The following RASGEF1A variants were observed in gnomAD, a reference collection of about 807,000 sequenced individuals.
RASGEF1A encodes RasGEF domain family member 1A.
A neutral mutation model predicts 56.4 loss-of-function variants in RASGEF1A; 18 were observed. The observed-to-expected ratio is 0.32, with a 90% confidence interval of 0.22 to 0.47. RASGEF1A has a LOEUF of 0.47. Among genes scored for constraint, RASGEF1A ranks in the 20% least tolerant of loss-of-function variants. RASGEF1A has a pLI of 1.00. For missense variants in RASGEF1A, 422 were observed against 627.1 expected (o/e 0.67, Z 3.49); for synonymous variants, 245 against 242.6 (o/e 1.01, Z -0.09).
At chr10:43,201,103 G>A (rs1564528779) in intron 4 of RASGEF1A, among the ~76,000 whole-genome samples, 1 of 152,228 alleles carries the variant, frequency 6.6e-6, no homozygotes, top group African/African-American at 2.4e-5. Flanking sequence ...GGGCTGTCCT[G>A]CTGCAGGACG....
intron 1 of RASGEF1A, among the ~76,000 whole-genome samples, chr10:43,219,080 G>A (rs899175098): frequency 3.9e-5 from 6 of 152,180 alleles, no homozygotes; most frequent in African/African-American, 1.4e-4. Flanking sequence ...AGAGGCCCAA[G>A]GATGCAGCAG....
chr10:43,244,933 T>A (rs902460365), intron 1 of RASGEF1A, among the ~76,000 whole-genome samples: 3 of 151,502 alleles, frequency 2.0e-5, no homozygotes, highest in African/African-American at 7.3e-5. Context: ...CAAATTAAAT[T>A]AACAAATAAC....
chr10:43,199,570 G>T, intron 7 of RASGEF1A, 106 bp downstream of exon 7: 1 of 881,180 alleles, frequency 1.1e-6, no homozygotes, highest in Non-Finnish European at 1.8e-6. Flanking sequence ...CAGGGACTTT[G>T]TGCATTCACT....
chr10:43,246,596 G>A (rs1409558729), intron 1 of RASGEF1A, among the ~76,000 whole-genome samples: 1 of 152,164 alleles, frequency 6.6e-6, no homozygotes, highest in Non-Finnish European at 1.5e-5. Flanking sequence ...GAATAAAGGT[G>A]AGAGTCCAGA....
At chr10:43,202,694 G>A (rs995480592) in intron 3 of RASGEF1A, 5 of 350,770 alleles carry the variant, frequency 1.4e-5, no homozygotes, top group Admixed American at 3.2e-5. Flanking sequence ...CTTCGCCCAC[G>A]CCGCACAGCC....
intron 1 of RASGEF1A, among the ~76,000 whole-genome samples, chr10:43,228,075 C>T (rs1840305988): frequency 1.3e-5 from 2 of 152,160 alleles, no homozygotes; most frequent in South Asian, 4.1e-4. Flanking sequence ...CCACCTCCCA[C>T]TGCAGCCCCG....
intron 1 of RASGEF1A, among the ~76,000 whole-genome samples, chr10:43,253,257 G>A (rs1234942606): frequency 2.0e-5 from 3 of 152,220 alleles, no homozygotes; most frequent in Non-Finnish European, 4.4e-5. Context: ...CCCGTGTGTG[G>A]ATTTGAGGTC....
At chr10:43,240,206 T>C (rs957578562) in intron 1 of RASGEF1A, among the ~76,000 whole-genome samples, 1 of 152,244 alleles carries the variant, frequency 6.6e-6, no homozygotes, top group African/African-American at 2.4e-5. Context: ...CAGGCACTTA[T>C]GAAAATTTCT....
At chr10:43,197,884 C>T in intron 10 of RASGEF1A, 120 bp downstream of exon 10, 1 of 831,896 alleles carries the variant, frequency 1.2e-6, no homozygotes, top group East Asian at 2.5e-5. Context: ...TCTTGAAGGC[C>T]CTTGTGAACC....
Position 43,201,954 on chromosome 10 carries a change from GCAGGGGATA to G in RASGEF1A, c.322-18_322-10del. On this transcript the variant is annotated splice_polypyrimidine_tract_variant and intron_variant, in intron 3 of 12. Coordinates refer to ENST00000395810, the MANE Select transcript of RASGEF1A (RefSeq NM_145313.4). Reference sequence around the variant, plus strand: ...AAAGACTTCAGCTTGGCCTGGGGCAGCAGGGGATACAGAGTAAGGCCCCACAGGGCAGAG... The same window carrying G: ...AAAGACTTCAGCTTGGCCTGGGGCAGCAGAGTAAGGCCCCACAGGGCAGAG... 1 of 1,602,004 alleles carries G rather than the reference GCAGGGGATA, an allele frequency of 6.2e-7. No homozygotes were observed. Among genetic ancestry groups the G allele is most frequent in the South Asian group, 1.1e-5 (1 of 89,632 alleles).
chr10:43,258,680 C>T (rs1412311948), intron 1 of RASGEF1A, among the ~76,000 whole-genome samples: 1 of 152,226 alleles, frequency 6.6e-6, no homozygotes, highest in Non-Finnish European at 1.5e-5. Context: ...ATGGATGCCC[C>T]ACAGGCCAGC....
intron 1 of RASGEF1A, among the ~76,000 whole-genome samples, chr10:43,236,779 C>T (rs1434351365): frequency 6.6e-6 from 1 of 152,226 alleles, no homozygotes; most frequent in Non-Finnish European, 1.5e-5. Context: ...CAGGGCTCGC[C>T]CCTCCCTCGG....
At chr10:43,205,871 G>T in intron 2 of RASGEF1A, 48 bp downstream of exon 2, 1 of 1,480,048 alleles carries the variant, frequency 6.8e-7, no homozygotes, top group Non-Finnish European at 9.4e-7. Context: ...ATCTCCTGGA[G>T]CCCAGGTCAC....
intron 1 of RASGEF1A, among the ~76,000 whole-genome samples, chr10:43,235,179 G>C (rs1048984250): frequency 6.6e-6 from 1 of 152,342 alleles, no homozygotes; most frequent in East Asian, 1.9e-4. Flanking sequence ...CGTGAAGGAG[G>C]GGGTGAATGG....
intron 2 of RASGEF1A, 32 bp from the exon 3 acceptor site, chr10:43,203,452 G>A: frequency 6.7e-7 from 1 of 1,497,958 alleles, no homozygotes; most frequent in Non-Finnish European, 9.0e-7. Context: ...AGGGCGGAGG[G>A]AGGGTGAGGC....
At chr10:43,202,042 C>CA in intron 3 of RASGEF1A, 97 bp from the exon 4 acceptor site, 19 of 1,366,654 alleles carry the variant, frequency 1.4e-5, no homozygotes, top group Non-Finnish European at 1.9e-5. Context: ...AGCCACACCC[C>CA]AGGCCCTGTG....
In RASGEF1A at chr10:43,196,416, G is replaced by A. The variant is rs1272616831; in HGVS notation, c.1421+60C>T. 2.1e-5 allele frequency: 33 copies of A among 1,570,986 alleles called. 2 individuals carry two copies. The highest frequency in any genetic ancestry group is 1.0e-4 in the Admixed American group (6 of 59,920). Reference sequence around the variant, plus strand: ...CTCCCTTTCCAGGAGGGTAACCCTCGTGCCCACCCTGAGTCCTCCCTCTTC... The same window carrying A: ...CTCCCTTTCCAGGAGGGTAACCCTCATGCCCACCCTGAGTCCTCCCTCTTC... On this transcript the variant is annotated intron_variant, in intron 12 of 12. Coordinates refer to ENST00000395810, the MANE Select transcript of RASGEF1A (RefSeq NM_145313.4). The surrounding 1 kb of genome is among the most constrained non-coding windows in gnomAD (Gnocchi z 4.6).
chr10:43,260,956 G>A (rs548557345), intron 1 of RASGEF1A, among the ~76,000 whole-genome samples: 9 of 152,222 alleles, frequency 5.9e-5, no homozygotes, highest in Admixed American at 3.9e-4. Context: ...CACTTGGCCC[G>A]AATAGCAGCT....
At chr10:43,265,104 G>A (rs1836600505) in intron 1 of RASGEF1A, among the ~76,000 whole-genome samples, 2 of 152,132 alleles carry the variant, frequency 1.3e-5, no homozygotes, top group African/African-American at 4.8e-5. Context: ...TCTCCCCACC[G>A]CAGCCACTGT....
Sources: allele counts gnomAD v4.1 joint callset (sites outside exome capture counted in the v4.1 genomes callset), GRCh38; gene constraint gnomAD v4.1.1; non-coding constraint Gnocchi (gnomAD v3.1); transcripts MANE v1.5; gene names NCBI Gene and HGNC (gene_info 2026-07-23, HGNC 2026-07-21).